The following PCDHA7 variants were observed in gnomAD, a reference collection of about 807,000 sequenced individuals.
PCDHA7 encodes protocadherin alpha-7.
PCDHA7 carries 37 observed loss-of-function variants against 57.2 expected under a neutral mutation model. The observed-to-expected ratio is 0.65, with a 90% confidence interval of 0.50 to 0.85. PCDHA7 has a LOEUF of 0.85. Ranked by LOEUF, PCDHA7 falls within the 40% of genes least tolerant of loss-of-function variation. The pLI is 0.00. For missense variants in PCDHA7, 1,188 were observed against 1,241.8 expected, an observed-to-expected ratio of 0.96 and a Z score of 0.65; for synonymous variants, 553 against 558.8, an observed-to-expected ratio of 0.99 and a Z score of 0.15.
At position 140,835,696 on chromosome 5, in the gene PCDHA7, C is replaced by T. The variant is rs2150242204; in HGVS notation, c.1313C>T (p.Thr438Ile). ...RDGGSPSLWA[T>I]ASVSVEVADV... ...GGGGGCTCGCCTTCTCTGTGGGCCA[C>T]TGCTAGCGTGTCCGTGGAGGTGGCC... is the stretch of plus-strand genomic sequence containing the variant. Residue 438 changes from threonine to isoleucine, a missense_variant, in exon 1 of 4, where the codon ACT becomes ATT. Physicochemically the swap from Thr to Ile is moderately conservative, Grantham distance 89 (BLOSUM62 -1). This residue lies in a region of PCDHA7 where 892 missense variants were observed against 788.5 expected (regional missense o/e 1.13). Transcript: ENST00000525929. 1.2e-6 allele frequency: 2 copies of T among 1,613,914 alleles called. No homozygotes were observed. Among genetic ancestry groups the T allele is most frequent in the South Asian group, 2.2e-5 (2 of 91,074 alleles).
intron 1 of PCDHA7, among the ~76,000 whole-genome samples, chr5:140,880,237 T>C (rs2058279701): frequency 6.6e-6 from 1 of 152,148 alleles, no homozygotes; most frequent in Non-Finnish European, 1.5e-5. Flanking sequence ...AATTAGTGTA[T>C]GTGCGTGTGT....
intron 1 of PCDHA7, among the ~76,000 whole-genome samples, chr5:140,932,493 T>A (rs148938081): frequency 6.6e-6 from 1 of 152,006 alleles, no homozygotes; most frequent in East Asian, 1.9e-4. Context: ...CTTTGCAATG[T>A]CATTTGTTAA....
In PCDHA7 at chr5:140,870,537, G is replaced by A. The variant is rs575452776; in HGVS notation, c.2355+33799G>A. On this transcript the variant is annotated intron_variant, in intron 1 of 3. Transcript: ENST00000525929. ...GCTGCCACATCTTCACAGTGTCGGC[G>A]CGGGACGCGGACGCGCAGGAGAACG... 9.3e-6 allele frequency: 15 copies of A among 1,614,172 alleles called. No homozygotes were observed. In the African/African-American group the frequency reaches 1.7e-4, roughly 19 times the overall value.
chr5:140,955,639 C>T (rs2095212239), intron 1 of PCDHA7, among the ~76,000 whole-genome samples: 1 of 152,088 alleles, frequency 6.6e-6, no homozygotes, highest in African/African-American at 2.4e-5. Flanking sequence ...AGTGTGAGAA[C>T]AAATTAATAC....
chr5:141,009,746 T>C lies in PCDHA7; in HGVS notation c.2623T>C (p.Phe875Leu). ...CGGTCCCGGTGAGTTGCCCGACAAA[T>C]TCATTATCCCAGGATCTCCTGCAAT... ...QSGPGELPDK[F>L]IIPGSPAIIS... The change falls in exon 4 of 4, where the codon TTC becomes CTC. Residue 875 changes from phenylalanine to leucine, a missense_variant. Transcript: ENST00000525929. 6.2e-7 allele frequency: 1 copy of C among 1,614,062 alleles called. No homozygotes were observed. Among genetic ancestry groups the C allele is most frequent in the Non-Finnish European group, 8.5e-7 (1 of 1,180,018 alleles).
chr5:140,993,694 T>C (rs1192686372), intron 3 of PCDHA7, among the ~76,000 whole-genome samples: 1 of 152,186 alleles, frequency 6.6e-6, no homozygotes, highest in African/African-American at 2.4e-5. Flanking sequence ...TCCCATAAGA[T>C]TGTAATACCA....
chr5:140,931,409 A>G (rs1172534741), intron 1 of PCDHA7, among the ~76,000 whole-genome samples: 1 of 152,082 alleles, frequency 6.6e-6, no homozygotes, highest in African/African-American at 2.4e-5. Flanking sequence ...AGGAAGGCTG[A>G]TGAATCTAGA....
At chr5:140,966,259 G>C (rs1358322921) in intron 1 of PCDHA7, 1 of 340,612 alleles carries the variant, frequency 2.9e-6, no homozygotes, top group Non-Finnish European at 5.3e-6. Context: ...AGACGGTGGA[G>C]ACTGGATGAA....
At chr5:140,864,008 A>G (rs1481887604) in intron 1 of PCDHA7, 3 of 153,088 alleles carry the variant, frequency 2.0e-5, no homozygotes, top group African/African-American at 7.2e-5. Flanking sequence ...CTTAAAAAAA[A>G]AAGTACATTG....
intron 3 of PCDHA7, among the ~76,000 whole-genome samples, chr5:140,997,793 T>G (rs2097785892): frequency 6.6e-6 from 1 of 152,112 alleles, no homozygotes; most frequent in Non-Finnish European, 1.5e-5. Context: ...ATATTATAAT[T>G]TATCCAATTT....
intron 1 of PCDHA7, among the ~76,000 whole-genome samples, chr5:140,906,364 C>T (rs2072599872): frequency 6.6e-6 from 1 of 152,184 alleles, no homozygotes; most frequent in African/African-American, 2.4e-5. Context: ...ATTCCCAACC[C>T]AAATGCTATT....
chr5:140,889,103 T>C (rs1554183781), intron 1 of PCDHA7, among the ~76,000 whole-genome samples: 2 of 151,990 alleles, frequency 1.3e-5, no homozygotes. Flanking sequence ...TTTTTTCATC[T>C]TTATTCCAGG....
At chr5:140,989,724 T>C (rs1251385686) in intron 3 of PCDHA7, among the ~76,000 whole-genome samples, 6 of 152,178 alleles carry the variant, frequency 3.9e-5, no homozygotes, top group African/African-American at 1.4e-4. Context: ...AGCTTTGCAG[T>C]TGAAAAGGCC....
chr5:140,973,631 A>G (rs1554235456), intron 1 of PCDHA7, among the ~76,000 whole-genome samples: 1 of 152,210 alleles, frequency 6.6e-6, no homozygotes, highest in African/African-American at 2.4e-5. Flanking sequence ...TGTATCTTGT[A>G]CACATTCTGA....
Position 141,010,230 on chromosome 5 carries a change from C to T in PCDHA7, c.*293C>T. The T allele has an allele frequency of 1.3e-6, 2 of 1,551,936 alleles. No homozygotes were observed. Among genetic ancestry groups the T allele is most frequent in the African/African-American group, 1.4e-5 (1 of 73,162 alleles). Reference sequence around the variant, plus strand: ...GCAAAGGAGAGGCTTCCCAGCCCCGCCAGTGAGAGGTTGGACTCTCTGCCC... The same window carrying T: ...GCAAAGGAGAGGCTTCCCAGCCCCGTCAGTGAGAGGTTGGACTCTCTGCCC... On this transcript the variant is annotated 3_prime_UTR_variant, in exon 4 of 4. Transcript: ENST00000525929.
At chr5:140,966,097 C>T (rs1215509140) in intron 1 of PCDHA7, 2 of 154,754 alleles carry the variant, frequency 1.3e-5, no homozygotes, top group Non-Finnish European at 2.9e-5. Flanking sequence ...GTTAGATCCG[C>T]CGCCTGGGTG....
chr5:140,901,459 C>G (rs528238941), intron 1 of PCDHA7, among the ~76,000 whole-genome samples: 1 of 152,160 alleles, frequency 6.6e-6, no homozygotes, highest in South Asian at 2.1e-4. Flanking sequence ...CACAGACTGT[C>G]TTTTCTCGAG....
chr5:140,928,981 G>A, intron 1 of PCDHA7: 1 of 1,613,802 alleles, frequency 6.2e-7, no homozygotes, highest in Non-Finnish European at 8.5e-7. Context: ...TTTATTTCTG[G>A]GGTGCTTACT....
chr5:140,916,582 A>G (rs1191941149), intron 1 of PCDHA7, among the ~76,000 whole-genome samples: 7 of 152,188 alleles, frequency 4.6e-5, no homozygotes, highest in Non-Finnish European at 1.0e-4. Flanking sequence ...AATGTCATCC[A>G]TGAGCTAGGG....
Sources: gnomAD v4.1 joint callset for allele counts (sites outside exome capture counted in the v4.1 genomes callset) on GRCh38, gnomAD v4.1.1 for gene constraint, gnomAD v4.1.1 regional missense constraint, MANE v1.5 for transcripts, NCBI Gene and HGNC (gene_info 2026-07-23, HGNC 2026-07-21) for gene names.